NME9: variants seen among roughly 807,000 people sequenced by gnomAD.
NME9 encodes the protein NME/NM23 family member 9.
A neutral mutation model predicts 44.4 loss-of-function variants in NME9; 48 were observed. The ratio of observed to expected loss-of-function variants is 1.08; its 90% CI spans 0.86 to 1.37. The LOEUF (loss-of-function observed/expected upper bound fraction) is 1.37, where lower values mean the gene tolerates loss of function less well. Ranked by LOEUF, NME9 falls within the 40% of genes most tolerant of loss-of-function variation. NME9 has a pLI of 0.00. For missense variants in NME9, 325 were observed against 405.2 expected (o/e 0.80, Z 1.70); for synonymous variants, 139 against 147.1 (o/e 0.94, Z 0.40).
intron 1 of NME9, among the ~76,000 whole-genome samples, chr3:138,327,573 C>T (rs549984620): frequency 3.9e-5 from 6 of 152,326 alleles, no homozygotes; most frequent in African/African-American, 1.4e-4. Flanking sequence ...GCACCTTTTA[C>T]CCAGACTGTC....
chr3:138,274,614 T>C, intron 8 of NME9: 1 of 1,152,178 alleles, frequency 8.7e-7, no homozygotes, highest in East Asian at 2.4e-5. Flanking sequence ...AAGAGTCTCC[T>C]GAAATATTCA....
At chr3:138,306,120 TA>T in intron 7 of NME9, 24 bp from the exon 8 acceptor site, 1 of 1,508,200 alleles carries the variant, frequency 6.6e-7, no homozygotes, top group Non-Finnish European at 9.2e-7. Context: ...ATAAATATTC[TA>T]AAAGGGTAAA....
In NME9 at chr3:138,301,697, C is replaced by T. The variant is rs556744875; in HGVS notation, c.936G>A (p.Glu312=). 112 of 1,536,026 alleles carry T rather than the reference C, an allele frequency of 7.3e-5. 1 individual carries two copies. In the South Asian group the frequency reaches 1.3e-3, roughly 17 times the overall value. The change falls in exon 11 of 11, where the codon GAG becomes GAA. Residue 312 remains glutamate, a synonymous_variant. Coordinates refer to ENST00000333911, the MANE Select transcript of NME9 (RefSeq NM_001349018.2). ...DKDTEAPQGG[E]AEATAGPTEA... ...CAGTGGGCCCCGCTGTTGCTTCAGCCTCACCGCCTGTGGGATGACAGATGT... is the reference window on the plus strand; with the variant it reads ...CAGTGGGCCCCGCTGTTGCTTCAGCTTCACCGCCTGTGGGATGACAGATGT...
intron 8 of NME9, chr3:138,284,570 C>A: frequency 7.2e-7 from 1 of 1,386,216 alleles, no homozygotes; most frequent in Non-Finnish European, 1.0e-6. Flanking sequence ...AATGCAGGGA[C>A]TGTTGCATTT....
intron 8 of NME9, chr3:138,270,246 G>C: frequency 2.4e-6 from 2 of 838,110 alleles, no homozygotes; most frequent in Non-Finnish European, 3.7e-6. Flanking sequence ...CAAAAATCTG[G>C]CTATTTTGTT....
intron 8 of NME9, among the ~76,000 whole-genome samples, chr3:138,278,077 A>G (rs1019134427): frequency 4.6e-5 from 7 of 152,236 alleles, no homozygotes; most frequent in Admixed American, 2.0e-4. Context: ...CAGAGAACAA[A>G]TCAAAGGTAT....
At chr3:138,303,168 T>G (rs2051964452) in intron 10 of NME9, 1 of 220,910 alleles carries the variant, frequency 4.5e-6, no homozygotes, top group Admixed American at 4.9e-5. Flanking sequence ...GGCCTCTGAC[T>G]GGCTTTGAGG....
At chr3:138,264,522 C>T (rs553269611) in intron 8 of NME9, among the ~76,000 whole-genome samples, 5 of 146,706 alleles carry the variant, frequency 3.4e-5, no homozygotes, top group African/African-American at 7.6e-5. Flanking sequence ...CCGGTTCAAG[C>T]GATTCTTCTG....
intron 2 of NME9, 128 bp downstream of exon 2, chr3:138,324,745 C>A (rs2053676000): frequency 3.0e-6 from 2 of 663,816 alleles, no homozygotes; most frequent in East Asian, 3.0e-5. Flanking sequence ...CACACATCAC[C>A]TGGTTTTTTA....
intron 4 of NME9, 105 bp from the exon 5 acceptor site, chr3:138,315,748 C>A (rs2053032078): frequency 3.5e-6 from 3 of 859,446 alleles, no homozygotes; most frequent in South Asian, 1.6e-5. Flanking sequence ...GGTCCCTCAA[C>A]CCCAGGCCTG....
chr3:138,287,575 T>C, intron 8 of NME9: 1 of 455,036 alleles, frequency 2.2e-6, no homozygotes, highest in Non-Finnish European at 4.4e-6. Context: ...ATTCAACAAA[T>C]ATTGATTGAT....
Position 138,301,568 on chromosome 3 carries a change from G to T in NME9, c.*72C>A. 1 of 1,522,784 alleles carries T rather than the reference G, an allele frequency of 6.6e-7. No homozygotes were observed. The highest frequency in any genetic ancestry group is 2.5e-5 in the East Asian group (1 of 40,784). 94.3% of individuals were successfully genotyped at this position (1,522,784 alleles called of 1,614,324 possible). On this transcript the variant is annotated 3_prime_UTR_variant, in exon 11 of 11. Transcript: ENST00000333911. The stretch of plus-strand genomic sequence containing the variant: ...AAAGTATTGGTACTCAAAAGAGTAA[G>T]TTCCGATTCCGGAGGTCTGTTTTGT...
intron 8 of NME9, among the ~76,000 whole-genome samples, chr3:138,281,451 C>T (rs1450094100): frequency 6.6e-6 from 1 of 152,074 alleles, no homozygotes; most frequent in East Asian, 1.9e-4. Flanking sequence ...CGCCACCACA[C>T]CCAGCTAGTC....
At chr3:138,321,775 C>T (rs998709962) in intron 2 of NME9, among the ~76,000 whole-genome samples, 2 of 151,758 alleles carry the variant, frequency 1.3e-5, no homozygotes, top group African/African-American at 4.8e-5. Context: ...AGGCAAAATA[C>T]TAGGGATGAA....
At chr3:138,269,656 A>C (rs1463586424) in intron 8 of NME9, among the ~76,000 whole-genome samples, 1 of 152,182 alleles carries the variant, frequency 6.6e-6, no homozygotes, top group African/African-American at 2.4e-5. Context: ...ATGTACACAT[A>C]AAGCAGAAAG....
intron 8 of NME9, among the ~76,000 whole-genome samples, chr3:138,280,708 G>C (rs2049818682): frequency 6.6e-6 from 1 of 151,754 alleles, no homozygotes; most frequent in African/African-American, 2.4e-5. Context: ...TGGCCAAGCT[G>C]GTCTTGAACT....
intron 2 of NME9, among the ~76,000 whole-genome samples, chr3:138,322,337 C>T (rs1431858172): frequency 8.9e-6 from 1 of 112,934 alleles, no homozygotes; most frequent in Non-Finnish European, 1.6e-5. Flanking sequence ...GTGGTAGGCA[C>T]AAAGGCACCT....
At chr3:138,315,749 C>T in intron 4 of NME9, 106 bp from the exon 5 acceptor site, 1 of 850,792 alleles carries the variant, frequency 1.2e-6, no homozygotes, top group South Asian at 1.6e-5. Flanking sequence ...GTCCCTCAAC[C>T]CCAGGCCTGT....
intron 2 of NME9, among the ~76,000 whole-genome samples, chr3:138,323,655 T>C (rs1474071964): frequency 1.3e-5 from 2 of 152,190 alleles, no homozygotes; most frequent in Admixed American, 1.3e-4. Context: ...CAGTTGGTGA[T>C]GGGCCATGAT....
Sources: gnomAD v4.1 joint callset for allele counts (sites outside exome capture counted in the v4.1 genomes callset) on GRCh38, gnomAD v4.1.1 for gene constraint, MANE v1.5 for transcripts, NCBI Gene and HGNC (gene_info 2026-07-23, HGNC 2026-07-21) for gene names.